PRKCA: variants seen among roughly 807,000 people sequenced by gnomAD.
PRKCA encodes the protein protein kinase C alpha type.
PRKCA carries 27 observed loss-of-function variants against 87.0 expected under a neutral mutation model. The observed-to-expected ratio is 0.31, with a 90% CI of 0.23 to 0.43. The LOEUF is 0.43. Ranked by LOEUF, PRKCA falls within the 20% of genes least tolerant of loss-of-function variation. The pLI is 1.00. For missense variants in PRKCA, 518 were observed against 852.3 expected (o/e 0.61, Z 4.88); for synonymous variants, 329 against 311.1 (o/e 1.06, Z -0.61).
chr17:66,674,071 C>T (rs932530938), intron 5 of PRKCA, among the ~76,000 whole-genome samples: 1 of 152,222 alleles, frequency 6.6e-6, no homozygotes, highest in Admixed American at 6.5e-5. Flanking sequence ...TGTTAGCATT[C>T]CGGTCATTCA....
chr17:66,731,314 G>A (rs922214555), intron 8 of PRKCA, among the ~76,000 whole-genome samples: 4 of 143,436 alleles, frequency 2.8e-5, no homozygotes, highest in Non-Finnish European at 3.0e-5. Context: ...ACTGCACTGC[G>A]CTTCAGCCTG....
intron 2 of PRKCA, among the ~76,000 whole-genome samples, chr17:66,427,629 G>C (rs573365963): frequency 6.6e-6 from 1 of 152,328 alleles, no homozygotes; most frequent in South Asian, 2.1e-4. Flanking sequence ...TAGAGCTGTT[G>C]TGCTGTCAGG....
chr17:66,389,641 G>A (rs7209388), intron 2 of PRKCA, among the ~76,000 whole-genome samples: 120,493 of 152,160 alleles, frequency 0.79, 48,207 homozygotes, highest in South Asian at 0.87. Flanking sequence ...AGGGGGTCTG[G>A]CATGCCCATC....
intron 3 of PRKCA, among the ~76,000 whole-genome samples, chr17:66,523,380 C>T (rs1471669352): frequency 6.6e-6 from 1 of 152,190 alleles, no homozygotes; most frequent in Non-Finnish European, 1.5e-5. Flanking sequence ...TCAGCATCAA[C>T]ATCTTTTATT....
chr17:66,328,408 A>G (rs979512991), intron 2 of PRKCA, among the ~76,000 whole-genome samples: 4 of 152,106 alleles, frequency 2.6e-5, no homozygotes, highest in Non-Finnish European at 5.9e-5. Flanking sequence ...AAAGGAGGAA[A>G]GGAGTTAACT....
chr17:66,482,098 C>CAAAAAAAAAAAAAAAAA (rs58719328), intron 2 of PRKCA, among the ~76,000 whole-genome samples: 15 of 89,288 alleles, frequency 1.7e-4, no homozygotes, highest in East Asian at 3.0e-4. Context: ...AAGACTGTCT[C>CAAAAAAAAAAAAAAAAA]AAAAAAAAAA....
rs372542565 is a variant in PRKCA at position 66,645,466 on chromosome 17, A to G, written c.484A>G (p.Ile162Val). ...GGATCACACTGAGAAGAGGGGGCGGATTTACCTAAAGGCTGAGGTTGCTGA... is the reference window on the plus strand; with the variant it reads ...GGATCACACTGAGAAGAGGGGGCGGGTTTACCTAAAGGCTGAGGTTGCTGA... ...GMDHTEKRGR[I>V]YLKAEVADEK... is the part of the protein sequence containing the mutation. Residue 162 changes from isoleucine to valine, a missense_variant, in exon 5 of 17, where the codon ATT (isoleucine) becomes GTT (valine). Around this residue, in one of 5 missense-constraint regions of PRKCA, gnomAD observed 300 missense variants for 496.8 expected, o/e 0.60. Transcript: ENST00000413366. 3 of 1,614,046 alleles carry G rather than the reference A, an allele frequency of 1.9e-6. No individual in the cohort carries two copies. Among genetic ancestry groups the G allele is most frequent in the Non-Finnish European group, 2.5e-6 (3 of 1,180,036 alleles).
intron 2 of PRKCA, among the ~76,000 whole-genome samples, chr17:66,361,002 G>A (rs969291688): frequency 4.6e-5 from 7 of 151,824 alleles, no homozygotes; most frequent in African/African-American, 1.7e-4. Context: ...AGAAAAGTGG[G>A]GAAAGAGACA....
chr17:66,574,282 C>A (rs1396601793), intron 3 of PRKCA, among the ~76,000 whole-genome samples: 1 of 152,140 alleles, frequency 6.6e-6, no homozygotes, highest in African/African-American at 2.4e-5. Flanking sequence ...AAATGGCCTA[C>A]ATGGAATGGG....
intron 3 of PRKCA, among the ~76,000 whole-genome samples, chr17:66,519,894 TG>T (rs1238693015): frequency 1.3e-5 from 2 of 152,190 alleles, no homozygotes; most frequent in Admixed American, 1.3e-4. Flanking sequence ...ACCTTGGATA[TG>T]GTTGAGTGCA....
chr17:66,800,218 A>C (rs1453033047), intron 16 of PRKCA, among the ~76,000 whole-genome samples: 1 of 152,244 alleles, frequency 6.6e-6, no homozygotes, highest in Non-Finnish European at 1.5e-5. Context: ...CTTTGAGTTC[A>C]GGGAAAATTC....
rs947390172 is a variant in PRKCA, at chr17:66,425,222, C to T, written c.206-70979C>T. On this transcript the variant is annotated intron_variant, in intron 2 of 16. Transcript: ENST00000413366. ...TGAATGCTGCTAGTTCTTTTCTTTT[C>T]GTGATTAATTCAGACAGGCCGCATC... Among the ~76,000 whole-genome samples, 7 of 152,198 alleles carry T rather than the reference C, an allele frequency of 4.6e-5. No homozygotes were observed. In the East Asian group the frequency reaches 9.6e-4, roughly 21 times the overall value.
intron 13 of PRKCA, among the ~76,000 whole-genome samples, chr17:66,757,504 G>A (rs567960941): frequency 2.6e-5 from 4 of 151,412 alleles, no homozygotes; most frequent in South Asian, 4.2e-4. Flanking sequence ...AGCCCAGAGC[G>A]GGGAAAGCAA....
chr17:66,341,547 C>T (rs763826780), intron 2 of PRKCA, among the ~76,000 whole-genome samples: 141 of 152,272 alleles, frequency 9.3e-4, no homozygotes, highest in Non-Finnish European at 1.5e-3. Context: ...CATCTCACCT[C>T]GAAAGAAGTT....
chr17:66,311,595 C>T (rs149051659), intron 2 of PRKCA, among the ~76,000 whole-genome samples: 1 of 152,076 alleles, frequency 6.6e-6, no homozygotes, highest in African/African-American at 2.4e-5. Flanking sequence ...CCAGCCTGGG[C>T]GACAGAGTGA....
chr17:66,579,988 G>A (rs1465505211), intron 3 of PRKCA, among the ~76,000 whole-genome samples: 2 of 152,084 alleles, frequency 1.3e-5, no homozygotes, highest in African/African-American at 4.8e-5. Context: ...CTTTCTCTGC[G>A]CCGGAGATCC....
chr17:66,456,393 C>G (rs1914575415), intron 2 of PRKCA, among the ~76,000 whole-genome samples: 1 of 152,090 alleles, frequency 6.6e-6, no homozygotes, highest in Non-Finnish European at 1.5e-5. Context: ...CTTGTCCAAC[C>G]CAAGTTTAAG....
intron 5 of PRKCA, among the ~76,000 whole-genome samples, chr17:66,664,779 C>T (rs146223304): frequency 0.011 from 1,601 of 151,056 alleles, 20 homozygotes; most frequent in African/African-American, 0.037. Flanking sequence ...GCCTCAGCCC[C>T]TGTAGCTGGG....
chr17:66,572,940 G>A (rs1969122971), intron 3 of PRKCA, among the ~76,000 whole-genome samples: 1 of 152,128 alleles, frequency 6.6e-6, no homozygotes, highest in Admixed American at 6.6e-5. Context: ...GAGCTGGGGA[G>A]GCCCTTACTT....
Sources: allele counts gnomAD v4.1 joint callset (sites outside exome capture counted in the v4.1 genomes callset), GRCh38; gene constraint gnomAD v4.1.1; regional missense constraint gnomAD v4.1.1; transcripts MANE v1.5; gene names NCBI Gene and HGNC (gene_info 2026-07-23, HGNC 2026-07-21).